KLF12: variants seen among roughly 807,000 people sequenced by gnomAD.
KLF12 encodes Krueppel-like factor 12.
In KLF12, 9 loss-of-function variants were observed where a neutral mutation model predicts 37.8. The observed-to-expected ratio is 0.24, with a 90% confidence interval of 0.14 to 0.42. The LOEUF (loss-of-function observed/expected upper bound fraction) is 0.42, where lower values mean the gene tolerates loss of function less well. Among genes scored for constraint, KLF12 ranks in the 10% least tolerant of loss-of-function variants. The probability of loss-of-function intolerance (pLI) is 1.00; values close to 1 mark genes in which losing one functional copy is unlikely to be tolerated. For synonymous variants in KLF12, 208 were observed against 202.1 expected (o/e 1.03, Z -0.25); for missense variants, 411 against 516.0 (o/e 0.80, Z 1.97).
intron 5 of KLF12, among the ~76,000 whole-genome samples, chr13:73,767,413 C>G (rs904738096): frequency 2.6e-5 from 4 of 152,332 alleles, no homozygotes; most frequent in Admixed American, 2.0e-4. Context: ...GGCTCGATTA[C>G]TGCTAAGCCA....
intron 6 of KLF12, among the ~76,000 whole-genome samples, chr13:73,753,164 C>A (rs1878904763): frequency 6.6e-6 from 1 of 152,138 alleles, no homozygotes. Flanking sequence ...CCCGTCCCAC[C>A]CAGACTGCGG....
chr13:73,944,344 G>A (rs560725361), intron 2 of KLF12, among the ~76,000 whole-genome samples: 48 of 152,274 alleles, frequency 3.2e-4, no homozygotes, highest in South Asian at 1.0e-3. Context: ...GAAACCTTAC[G>A]TTAATTTATA....
At chr13:73,789,116 C>G (rs1881515721) in intron 5 of KLF12, among the ~76,000 whole-genome samples, 1 of 152,052 alleles carries the variant, frequency 6.6e-6, no homozygotes, top group Non-Finnish European at 1.5e-5. Flanking sequence ...TAACATAGAA[C>G]AGTTTCATAA....
At chr13:73,755,100 C>T (rs944782395) in intron 6 of KLF12, among the ~76,000 whole-genome samples, 9 of 152,106 alleles carry the variant, frequency 5.9e-5, no homozygotes, top group African/African-American at 2.2e-4. Context: ...TCAAAGAGTA[C>T]AATATAATTC....
At chr13:73,803,772 TCA>T (rs4053528) in intron 5 of KLF12, among the ~76,000 whole-genome samples, 14,644 of 141,584 alleles carry the variant, frequency 0.1, 762 homozygotes, top group African/African-American at 0.12. Flanking sequence ...TACTGCAGAG[TCA>T]CACACACACA....
At chr13:74,157,469 C>T in the KLF12 span, among the ~76,000 whole-genome samples, 25 of 152,270 alleles carry the variant, frequency 1.6e-4, no homozygotes, top group Middle Eastern at 3.4e-3. Flanking sequence ...CTAGACTTAA[C>T]GGTTTAACTT....
intron 2 of KLF12, among the ~76,000 whole-genome samples, chr13:73,950,077 T>C (rs2139403285): frequency 6.6e-6 from 1 of 152,350 alleles, no homozygotes; most frequent in African/African-American, 2.4e-5. Context: ...TAAAGACTGG[T>C]AAAACTGTCT....
intron 3 of KLF12, among the ~76,000 whole-genome samples, chr13:73,938,374 C>T (rs369628726): frequency 1.3e-5 from 2 of 152,150 alleles, no homozygotes; most frequent in East Asian, 1.9e-4. Flanking sequence ...CATTCCATAG[C>T]ACATTTCCAG....
At chr13:73,746,107 T>C (rs999711686) in intron 6 of KLF12, among the ~76,000 whole-genome samples, 1 of 150,232 alleles carries the variant, frequency 6.7e-6, no homozygotes. Context: ...CAGTTAGAAG[T>C]GTGTATATGT....
chr13:74,166,082 A>C, the KLF12 span, among the ~76,000 whole-genome samples: 2 of 137,532 alleles, frequency 1.5e-5, no homozygotes, highest in Admixed American at 8.2e-5. Flanking sequence ...CTAATGCATA[A>C]ACACCTTTTT....
At chr13:74,114,339 G>GT (rs1389021462) in intron 1 of KLF12, among the ~76,000 whole-genome samples, 2 of 151,950 alleles carry the variant, frequency 1.3e-5, no homozygotes, top group South Asian at 4.2e-4. Context: ...AGGCATGTAG[G>GT]TTTTTTTTCA....
chr13:74,143,078 CCTT>C, the KLF12 span, among the ~76,000 whole-genome samples: 1 of 149,682 alleles, frequency 6.7e-6, no homozygotes, highest in Admixed American at 6.7e-5. Context: ...TCTCTTTCCT[CCTT>C]CTCCTCCTCT....
rs543217067 is a variant in KLF12 at position 74,065,774 on chromosome 13, C to T, written c.-32+67965G>A. ...CAACTACAAAGTGTGACCTGAGGAACATCCTCCCCTCTCCTCAAGGGCTGG... is the reference window on the plus strand; with the variant it reads ...CAACTACAAAGTGTGACCTGAGGAATATCCTCCCCTCTCCTCAAGGGCTGG... On this transcript the variant is annotated intron_variant, in intron 1 of 7. Transcript: ENST00000377669. Among the ~76,000 whole-genome samples the T allele has an allele frequency of 2.0e-5, 3 of 152,154 alleles. No individual in the cohort carries two copies. In the South Asian group the frequency reaches 6.2e-4, roughly 32 times the overall value.
chr13:73,729,172 T>G (rs950910486), intron 6 of KLF12, among the ~76,000 whole-genome samples: 5 of 152,194 alleles, frequency 3.3e-5, no homozygotes, highest in African/African-American at 1.2e-4. Flanking sequence ...ACCTGGCCCA[T>G]CCCTATTTAC....
chr13:73,764,410 G>A (rs532711385), intron 6 of KLF12, among the ~76,000 whole-genome samples: 1 of 151,206 alleles, frequency 6.6e-6, no homozygotes, highest in South Asian at 2.1e-4. Flanking sequence ...GGTTGTTTCT[G>A]CAAAATTCCA....
chr13:73,907,774 T>C (rs1426049653), intron 3 of KLF12, among the ~76,000 whole-genome samples: 1 of 152,178 alleles, frequency 6.6e-6, no homozygotes, highest in Non-Finnish European at 1.5e-5. Flanking sequence ...CCTCTGAACA[T>C]GATCTCTGCA....
At chr13:74,044,020 T>A (rs1893476836) in intron 1 of KLF12, among the ~76,000 whole-genome samples, 1 of 152,220 alleles carries the variant, frequency 6.6e-6, no homozygotes, top group Non-Finnish European at 1.5e-5. Flanking sequence ...ATATGGTCAA[T>A]AAATAATTTC....
At chr13:73,741,470 ATGG>A (rs1188478398) in intron 6 of KLF12, among the ~76,000 whole-genome samples, 1 of 152,202 alleles carries the variant, frequency 6.6e-6, no homozygotes, top group East Asian at 1.9e-4. Context: ...ACAAAGAATT[ATGG>A]CAAAGATTTC....
the KLF12 span, chr13:74,258,196 TGTGTG>T: frequency 7.4e-6 from 1 of 134,912 alleles, no homozygotes; most frequent in South Asian, 2.3e-4. Flanking sequence ...TGTGTGTGTG[TGTGTG>T]TGTAGTAAAA....
Sources: allele counts gnomAD v4.1 joint callset (sites outside exome capture counted in the v4.1 genomes callset), GRCh38; gene constraint gnomAD v4.1.1; transcripts MANE v1.5; gene names NCBI Gene and HGNC (gene_info 2026-07-23, HGNC 2026-07-21).